The following ATF7 variants were observed in gnomAD, a reference collection of about 807,000 sequenced individuals.
ATF7 encodes the protein cyclic AMP-dependent transcription factor ATF-7.
ATF7 carries 10 observed loss-of-function variants against 50.4 expected under a neutral mutation model. That is an observed-to-expected ratio of 0.20 (90% CI 0.12 to 0.34). The LOEUF is 0.34. Ranked by LOEUF, ATF7 falls within the 10% of genes least tolerant of loss-of-function variation. The pLI, the probability that ATF7 is intolerant of heterozygous loss-of-function variation, is 1.00. For synonymous variants in ATF7, 201 were observed against 226.4 expected, an observed-to-expected ratio of 0.89 and a Z score of 1.01; for missense variants, 465 against 613.9, an observed-to-expected ratio of 0.76 and a Z score of 2.56.
intron 2 of ATF7, among the ~76,000 whole-genome samples, chr12:53,584,541 C>G (rs964022972): frequency 1.3e-5 from 2 of 152,152 alleles, no homozygotes; most frequent in African/African-American, 4.8e-5. Context: ...GATATTTACC[C>G]AAATGAACAG....
intron 3 of ATF7, among the ~76,000 whole-genome samples, chr12:53,546,313 T>C (rs7972518): frequency 0.48 from 72,895 of 151,742 alleles, 17,659 homozygotes; most frequent in East Asian, 0.74. Context: ...AGGCAGAGGT[T>C]GCAGTGAGCC....
At chr12:53,567,210 ATATT>A (rs1412782642) in intron 2 of ATF7, among the ~76,000 whole-genome samples, 1 of 152,256 alleles carries the variant, frequency 6.6e-6, no homozygotes, top group Non-Finnish European at 1.5e-5. Context: ...ATCTTCATGA[ATATT>A]TATCAGTTGT....
chr12:53,588,537 A>T lies in ATF7; in HGVS notation c.48+12416T>A, dbSNP rs945924357. The stretch of plus-strand genomic sequence containing the variant: ...GGCAGCCACCAGAACAAAAGCCCCA[A>T]TTACTACATGGCACTAGTCAAAGCA... On this transcript the variant is annotated intron_variant, in intron 2 of 11. Coordinates refer to ENST00000420353, the MANE Select transcript of ATF7 (RefSeq NM_006856.3). 5.9e-5 allele frequency among the ~76,000 whole-genome samples: 9 copies of T among 152,308 alleles called. No homozygotes were observed. In the South Asian group the frequency reaches 1.9e-3, roughly 32 times the overall value.
intron 2 of ATF7, among the ~76,000 whole-genome samples, chr12:53,556,609 GA>G (rs1277042826): frequency 3.3e-5 from 5 of 152,062 alleles, no homozygotes; most frequent in African/African-American, 1.2e-4. Flanking sequence ...AAAAAACAAC[GA>G]AAAAAACCAA....
At chr12:53,566,320 G>A (rs1441097929) in intron 2 of ATF7, among the ~76,000 whole-genome samples, 1 of 152,202 alleles carries the variant, frequency 6.6e-6, no homozygotes, top group East Asian at 1.9e-4. Context: ...CAATAGGTTT[G>A]AGGAAGACAT....
intron 1 of ATF7, among the ~76,000 whole-genome samples, chr12:53,612,776 G>C (rs892290840): frequency 6.6e-6 from 1 of 152,164 alleles, no homozygotes; most frequent in Non-Finnish European, 1.5e-5. Flanking sequence ...GGCTGAGGTG[G>C]GCAGATCACC....
intron 11 of ATF7, among the ~76,000 whole-genome samples, chr12:53,518,470 A>T (rs1937868746): frequency 6.6e-6 from 1 of 152,060 alleles, no homozygotes; most frequent in Non-Finnish European, 1.5e-5. Context: ...TGTTTTTAAA[A>T]TTTTTTTAGA....
chr12:53,595,168 A>T (rs1180003347), intron 2 of ATF7, among the ~76,000 whole-genome samples: 2 of 152,222 alleles, frequency 1.3e-5, no homozygotes, highest in Non-Finnish European at 2.9e-5. Context: ...TTAGAATTTT[A>T]AAAAACTCTT....
intron 1 of ATF7, among the ~76,000 whole-genome samples, chr12:53,624,074 G>C (rs1593021447): frequency 6.6e-6 from 1 of 152,300 alleles, no homozygotes; most frequent in East Asian, 1.9e-4. Flanking sequence ...TAGTGCCCTA[G>C]TCAAAGCAAT....
At chr12:53,586,988 C>T (rs571609837) in intron 2 of ATF7, among the ~76,000 whole-genome samples, 3 of 152,172 alleles carry the variant, frequency 2.0e-5, no homozygotes, top group Non-Finnish European at 4.4e-5. Context: ...GTGGAAAAGA[C>T]AAGACTCTAG....
Position 53,552,601 on chromosome 12 carries a change from G to T in ATF7, c.85C>A (p.His29Asn). ...AATTTCAATGTCATCTCATGCTTGT[G>T]TTTATGAACTGCCAGGTGGTCCTCG... The part of the protein sequence containing the change: ...TNEDHLAVHK[H>N]KHEMTLKFGP... The change falls in exon 3 of 12, where the codon CAC becomes AAC. Residue 29 changes from histidine (H) to asparagine (N), a missense_variant. By Grantham distance (68) the His-to-Asn change is moderately conservative. Transcript: ENST00000420353. 6.2e-7 allele frequency: 1 copy of T among 1,613,888 alleles called. No homozygotes were observed. The highest frequency in any genetic ancestry group is 8.5e-7 in the Non-Finnish European group (1 of 1,179,824).
chr12:53,550,788 A>G (rs1175224568), intron 3 of ATF7, among the ~76,000 whole-genome samples: 1 of 152,216 alleles, frequency 6.6e-6, no homozygotes, highest in Non-Finnish European at 1.5e-5. Flanking sequence ...CAGCGTAGAT[A>G]TATGATAGCT....
At chr12:53,556,391 C>G (rs977303667) in intron 2 of ATF7, among the ~76,000 whole-genome samples, 2 of 152,156 alleles carry the variant, frequency 1.3e-5, no homozygotes, top group Non-Finnish European at 2.9e-5. Context: ...GAGTTTGAGA[C>G]CAGCCAGGGC....
chr12:53,549,039 C>T (rs1940135591), intron 3 of ATF7, among the ~76,000 whole-genome samples: 1 of 151,942 alleles, frequency 6.6e-6, no homozygotes, highest in African/African-American at 2.4e-5. Context: ...GTAATCCCAG[C>T]ACTTTGGGAG....
At chr12:53,604,424 G>A (rs1305367184) in intron 1 of ATF7, among the ~76,000 whole-genome samples, 3 of 152,126 alleles carry the variant, frequency 2.0e-5, no homozygotes, top group Admixed American at 6.5e-5. Flanking sequence ...CACTGTGTAA[G>A]AAAACAGATT....
chr12:53,524,471 T>G lies in ATF7; in HGVS notation c.1125+93A>C, dbSNP rs1938321307. The G allele has an allele frequency of 1.4e-6, 2 of 1,391,562 alleles. No individual in the cohort carries two copies. The highest frequency in any genetic ancestry group is 2.0e-6 in the Non-Finnish European group (2 of 1,003,058). The allele number at this position is 1,391,562 out of a possible 1,614,324, so 86.2% of individuals were successfully genotyped here. ...ACTAGATCTGTCCTAATTAGAGAAT[T>G]ACCATCTTCTATCAAATTGTACCAC... On this transcript the variant is annotated intron_variant, in intron 10 of 11. Coordinates refer to ENST00000420353, the MANE Select transcript of ATF7 (RefSeq NM_006856.3). This position sits in a 1 kb window ranked among gnomAD's most constrained non-coding sequence, Gnocchi z 4.6.
chr12:53,586,503 C>T (rs1180851428), intron 2 of ATF7, among the ~76,000 whole-genome samples: 1 of 152,058 alleles, frequency 6.6e-6, no homozygotes, highest in Non-Finnish European at 1.5e-5. Flanking sequence ...TGTACTACAA[C>T]TGAGATCTTT....
At position 53,542,107 on chromosome 12, in the gene ATF7, GTTTT is replaced by G. The variant is rs1199418506; in HGVS notation, c.264+1219_264+1222del. Among the ~76,000 whole-genome samples the G allele has an allele frequency of 5.6e-4, 57 of 101,464 alleles. 1 individual carries two copies. The highest frequency in any genetic ancestry group is 1.2e-3 in the South Asian group (3 of 2,502). 66.6% of individuals were successfully genotyped at this position (101,464 alleles called of 152,430 possible). A position where few individuals can be genotyped will look rare whatever the true frequency, so the allele number is the denominator to read the frequency against. On this transcript the variant is annotated intron_variant, in intron 4 of 11. Coordinates refer to ENST00000420353, the MANE Select transcript of ATF7 (RefSeq NM_006856.3). ...GGGTGTGAGCCACTGCGCCTGGCCT[GTTTT>G]TTTTTTTTTTTTTTTAAGAGATAGG...
At chr12:53,544,437 A>C (rs1340232918) in intron 3 of ATF7, among the ~76,000 whole-genome samples, 1 of 152,184 alleles carries the variant, frequency 6.6e-6, no homozygotes, top group African/African-American at 2.4e-5. Context: ...TTAAGGAGTG[A>C]GACCTGGGGT....
Sources: gnomAD v4.1 joint callset for allele counts (sites outside exome capture counted in the v4.1 genomes callset) on GRCh38, gnomAD v4.1.1 for gene constraint, Gnocchi (gnomAD v3.1) non-coding constraint, MANE v1.5 for transcripts, NCBI Gene and HGNC (gene_info 2026-07-23, HGNC 2026-07-21) for gene names.